The following CDH3 variants were observed in gnomAD, a reference collection of about 807,000 sequenced individuals.
The protein encoded by CDH3 is cadherin 3, also known as cadherin-3.
CDH3 carries 54 observed loss-of-function variants against 82.0 expected under a neutral mutation model. The ratio of observed to expected loss-of-function variants is 0.66; its 90% confidence interval spans 0.53 to 0.83. The LOEUF (loss-of-function observed/expected upper bound fraction) is 0.83. Ranked by LOEUF, CDH3 falls within the 40% of genes least tolerant of loss-of-function variation. The pLI is 0.00. For missense variants in CDH3, 1,054 were observed against 1,084.6 expected (o/e 0.97, Z 0.40); for synonymous variants, 446 against 437.9 (o/e 1.02, Z -0.23).
intron 2 of CDH3, among the ~76,000 whole-genome samples, chr16:68,659,841 A>C (rs1340249278): frequency 2.7e-5 from 4 of 149,444 alleles, no homozygotes; most frequent in East Asian, 2.0e-4. Flanking sequence ...TTATGTATGC[A>C]TACAGGAATT....
chr16:68,679,672 G>A, intron 6 of CDH3, 127 bp from the exon 7 acceptor site: 1 of 634,548 alleles, frequency 1.6e-6, no homozygotes, highest in Non-Finnish European at 2.6e-6. Flanking sequence ...TCCAGCCTGG[G>A]TGATAGAGTG....
At chr16:68,716,610 G>C (rs1962097099) in intron 1 of CDH3, among the ~76,000 whole-genome samples, 1 of 93,282 alleles carries the variant, frequency 1.1e-5, no homozygotes. Context: ...GACAGAATGA[G>C]ACTCCGGCTC....
At chr16:68,656,506 G>A (rs1204150225) in intron 2 of CDH3, among the ~76,000 whole-genome samples, 1 of 151,708 alleles carries the variant, frequency 6.6e-6, no homozygotes, top group East Asian at 1.9e-4. Flanking sequence ...TGTACTTTAT[G>A]TAATAAGCCC....
chr16:68,694,486 G>T (rs1253787257), intron 13 of CDH3, among the ~76,000 whole-genome samples: 2 of 151,254 alleles, frequency 1.3e-5, no homozygotes, highest in Admixed American at 6.6e-5. Context: ...GCCAGGCTTG[G>T]TGGCAGGCAC....
At position 68,675,328 on chromosome 16, in the gene CDH3, T is replaced by A. The variant is rs577219206; in HGVS notation, c.161-1057T>A. Among the ~76,000 whole-genome samples the A allele has an allele frequency of 2.7e-4, 41 of 152,098 alleles. No individual in the cohort carries two copies. The Middle Eastern group carries it at 0.014, about 50-fold the overall frequency. ...TTGTTATGTTGCAGCCTAGCAAAAA[T>A]GGGAGCACTGGGCAGAGCATGGTGC... On this transcript the variant is annotated intron_variant, in intron 2 of 15. Coordinates refer to ENST00000264012, the MANE Select transcript of CDH3 (RefSeq NM_001793.6).
At chr16:68,700,625 C>A (rs1961879335), downstream of CDH3, among the ~76,000 whole-genome samples, 1 of 152,218 alleles carries the variant, frequency 6.6e-6, no homozygotes, top group South Asian at 2.1e-4. Flanking sequence ...CCTGATCCGC[C>A]CGCCTCGGCC....
chr16:68,679,095 G>A (rs918065303), intron 6 of CDH3, among the ~76,000 whole-genome samples, 189 bp downstream of exon 6: 1 of 152,188 alleles, frequency 6.6e-6, no homozygotes, highest in African/African-American at 2.4e-5. Context: ...TCTGGAATCT[G>A]TATATTTGAA....
In CDH3 at chr16:68,678,201, A is replaced by C; in HGVS notation, c.314A>C (p.His105Pro). Residue 105 changes from histidine to proline, a missense_variant, in exon 4 of 16, where the codon CAC (histidine) becomes CCC (proline). By Grantham distance (77) the His-to-Pro change is moderately conservative. Transcript: ENST00000264012. ...IFPSKRILRR[H>P]KRDWVVAPIS... ...CCATCCAAACGTATCTTACGAAGAC[A>C]CAAGAGAGATTGGGTGGTTGCTCCA... The C allele has an allele frequency of 1.2e-6, 2 of 1,613,830 alleles. No homozygotes were observed. The highest frequency in any genetic ancestry group is 2.2e-5 in the South Asian group (2 of 91,084).
intron 6 of CDH3, 124 bp from the exon 7 acceptor site, chr16:68,679,675 A>G (rs1000084626): frequency 1.8e-5 from 12 of 653,818 alleles, no homozygotes; most frequent in Non-Finnish European, 2.8e-5. Flanking sequence ...AGCCTGGGTG[A>G]TAGAGTGAGA....
rs146101205 is a variant in CDH3 at position 68,713,919 on chromosome 16, T to TTTATTA, written c.100-8482_100-8477dup. On this transcript the variant is annotated intron_variant, in intron 1 of 2. Coordinates refer to the CDH3 transcript ENST00000569080. ...CCAAATCTGATCAATTTTTATTCTA[T>TTTATTA]TTATTATTATTATTATTATTATTAT... Among the ~76,000 whole-genome samples the TTTATTA allele has an allele frequency of 2.6e-3, 383 of 147,574 alleles. 2 individuals are homozygous for TTTATTA. Among genetic ancestry groups the TTTATTA allele is most frequent in the African/African-American group, 8.2e-3 (329 of 40,270 alleles).
In CDH3 at chr16:68,725,561, C is replaced by CT. The variant is rs1214879283; in HGVS notation, c.*46-1591dup. Among the ~76,000 whole-genome samples the CT allele has an allele frequency of 2.0e-5, 3 of 151,940 alleles. No homozygotes were observed. The East Asian group carries it at 5.9e-4, about 30-fold the overall frequency. On this transcript the variant is annotated intron_variant, in intron 2 of 2. Transcript: ENST00000569080. ...TGTTAGCCAGGATGGTCTCGATCTC[C>CT]TGACCTCCTGATCCACCCGCCTTGG...
chr16:68,674,082 A>G lies in CDH3; in HGVS notation c.161-2303A>G, dbSNP rs1960965700. On this transcript the variant is annotated intron_variant, in intron 2 of 15. Transcript: ENST00000264012. ...AATTGCTAGGTCATGTGGTAATTCT[A>G]CATTTAACACGTTGAGGAACTGCCA... 2.0e-5 allele frequency among the ~76,000 whole-genome samples: 3 copies of G among 152,210 alleles called. No homozygotes were observed. The South Asian group carries it at 6.2e-4, about 32-fold the overall frequency.
intron 13 of CDH3, among the ~76,000 whole-genome samples, chr16:68,694,240 G>A (rs1961647096): frequency 6.6e-6 from 1 of 150,688 alleles, no homozygotes. Context: ...TTGAACCTGG[G>A]AGGCAGAGGT....
chr16:68,688,040 GTGTTGGC>G (rs566935181), intron 12 of CDH3, among the ~76,000 whole-genome samples: 22 of 151,694 alleles, frequency 1.5e-4, no homozygotes, highest in African/African-American at 5.1e-4. Context: ...TGCTCAGTGA[GTGTTGGC>G]TACGATCACT....
At chr16:68,700,557 A>G (rs1001235369), downstream of CDH3, among the ~76,000 whole-genome samples, 5 of 152,210 alleles carry the variant, frequency 3.3e-5, no homozygotes, top group African/African-American at 1.2e-4. Flanking sequence ...TAATTCCAAC[A>G]CTTTAAGAGG....
At chr16:68,654,274 T>C (rs1037224076) in intron 2 of CDH3, among the ~76,000 whole-genome samples, 8 of 150,226 alleles carry the variant, frequency 5.3e-5, no homozygotes, top group Admixed American at 2.0e-4. Context: ...TTAGCCAGGA[T>C]GATCTCGATC....
chr16:68,690,496 C>T (rs1961533219), intron 12 of CDH3, among the ~76,000 whole-genome samples: 1 of 152,020 alleles, frequency 6.6e-6, no homozygotes, highest in South Asian at 2.1e-4. Context: ...ACCTGTAGTC[C>T]CAGCTACTCC....
chr16:68,701,941 T>C (rs1597824987), downstream of CDH3, among the ~76,000 whole-genome samples: 1 of 152,020 alleles, frequency 6.6e-6, no homozygotes, highest in South Asian at 2.1e-4. Flanking sequence ...GGAGAGTCAC[T>C]TGAACCCGGG....
intron 10 of CDH3, among the ~76,000 whole-genome samples, 175 bp downstream of exon 10, chr16:68,684,999 G>A (rs878860140): frequency 6.6e-6 from 1 of 152,178 alleles, no homozygotes; most frequent in African/African-American, 2.4e-5. Context: ...GGGTTTGGGG[G>A]CAGGTATTTC....
Sources: allele counts gnomAD v4.1 joint callset (sites outside exome capture counted in the v4.1 genomes callset), GRCh38; gene constraint gnomAD v4.1.1; transcripts MANE v1.5; gene names NCBI Gene and HGNC (gene_info 2026-07-23, HGNC 2026-07-21).